The following PARG variants were observed in gnomAD, a reference collection of about 807,000 sequenced individuals.
PARG encodes mitochondrial poly(ADP-ribose) glycohydrolase.
In PARG, 35 loss-of-function variants were observed where a neutral mutation model predicts 113.0. The observed-to-expected ratio is 0.31, with a 90% CI of 0.24 to 0.41. The LOEUF (loss-of-function observed/expected upper bound fraction) is 0.41. Ranked by LOEUF, PARG falls within the 10% of genes least tolerant of loss-of-function variation. PARG has a pLI of 1.00. For synonymous variants in PARG, 330 were observed against 409.9 expected (o/e 0.81, Z 2.36); for missense variants, 797 against 1,169.4 (o/e 0.68, Z 4.64).
intron 9 of PARG, among the ~76,000 whole-genome samples, chr10:49,878,981 C>T (rs1490453491): frequency 6.6e-6 from 1 of 152,064 alleles, no homozygotes; most frequent in African/African-American, 2.4e-5. Context: ...CATTAGTTTG[C>T]CAAGAAGATT....
chr10:49,843,732 G>A (rs982799681), intron 13 of PARG, 100 bp from the exon 14 acceptor site: 17 of 771,438 alleles, frequency 2.2e-5, no homozygotes, highest in Non-Finnish European at 3.6e-5. Context: ...GCACTGTACT[G>A]AAGGTCTCTC....
chr10:49,924,753 T>TGACAGATA (rs1838067552), intron 4 of PARG, among the ~76,000 whole-genome samples: 2 of 151,832 alleles, frequency 1.3e-5, no homozygotes, highest in Non-Finnish European at 2.9e-5. Context: ...GATACCAACA[T>TGACAGATA]GACAGATACC....
intron 16 of PARG, among the ~76,000 whole-genome samples, chr10:49,827,423 T>C (rs147559262): frequency 2.2e-3 from 339 of 152,332 alleles, no homozygotes; most frequent in Non-Finnish European, 3.6e-3. Flanking sequence ...TCAGGTAACA[T>C]ATACGGGGAA....
At chr10:49,820,317 G>A (rs991260807) in intron 16 of PARG, 24 bp from the exon 17 acceptor site, 1 of 1,526,146 alleles carries the variant, frequency 6.6e-7, no homozygotes, top group Non-Finnish European at 8.9e-7. Context: ...AAAAGACACG[G>A]CTATATCATG....
chr10:49,880,421 T>G (rs1437914504), intron 8 of PARG, among the ~76,000 whole-genome samples: 1 of 152,084 alleles, frequency 6.6e-6, no homozygotes, highest in African/African-American at 2.4e-5. Context: ...ATAAGACATT[T>G]CTTACATAAC....
chr10:49,928,244 C>G (rs1278441791), intron 4 of PARG, among the ~76,000 whole-genome samples: 1 of 151,512 alleles, frequency 6.6e-6, no homozygotes, highest in Non-Finnish European at 1.5e-5. Flanking sequence ...GCACTCCAGT[C>G]TGGGTGACAG....
At chr10:49,900,707 T>C (rs1848312840) in intron 7 of PARG, among the ~76,000 whole-genome samples, 1 of 152,198 alleles carries the variant, frequency 6.6e-6, no homozygotes, top group African/African-American at 2.4e-5. Context: ...TGGTAAATGA[T>C]TATTCCTTAG....
intron 15 of PARG, among the ~76,000 whole-genome samples, chr10:49,836,284 T>G (rs1398620432): frequency 1.3e-5 from 2 of 150,274 alleles, no homozygotes; most frequent in African/African-American, 4.9e-5. Context: ...CTGAGGTTTT[T>G]AGTATTCTCT....
chr10:49,889,544 C>T (rs536773054), intron 7 of PARG, among the ~76,000 whole-genome samples: 2 of 152,124 alleles, frequency 1.3e-5, no homozygotes, highest in African/African-American at 4.8e-5. Flanking sequence ...GTCCCATAGT[C>T]CCTGCTGGTC....
intron 8 of PARG, among the ~76,000 whole-genome samples, chr10:49,880,893 C>T (rs1333426768): frequency 1.3e-5 from 2 of 152,166 alleles, no homozygotes; most frequent in African/African-American, 4.8e-5. Context: ...TATTTTACCC[C>T]AAAATATATT....
intron 4 of PARG, among the ~76,000 whole-genome samples, chr10:49,927,369 G>GAAAGAAA (rs1838239269): frequency 7.6e-5 from 10 of 130,766 alleles, no homozygotes; most frequent in African/African-American, 2.4e-4. Context: ...AAGGAAAGAA[G>GAAAGAAA]GAAAGAAAGA....
At chr10:49,886,098 G>A (rs1847463311) in intron 7 of PARG, among the ~76,000 whole-genome samples, 1 of 152,238 alleles carries the variant, frequency 6.6e-6, no homozygotes, top group African/African-American at 2.4e-5. Flanking sequence ...AGAGGCCTCA[G>A]TTATAATCTG....
At chr10:49,874,404 T>C (rs1423591809) in intron 9 of PARG, among the ~76,000 whole-genome samples, 7 of 152,050 alleles carry the variant, frequency 4.6e-5, no homozygotes, top group African/African-American at 1.7e-4. Flanking sequence ...TTGATTCCCA[T>C]CAAGCCCAAC....
chr10:49,833,852 A>C (rs1554830715), intron 15 of PARG, among the ~76,000 whole-genome samples: 1 of 152,222 alleles, frequency 6.6e-6, no homozygotes, highest in African/African-American at 2.4e-5. Context: ...AATACAATTA[A>C]AAGAATGATC....
At chr10:49,920,619 T>C (rs527833358) in intron 6 of PARG, among the ~76,000 whole-genome samples, 1 of 146,936 alleles carries the variant, frequency 6.8e-6, no homozygotes, top group South Asian at 2.1e-4. Flanking sequence ...TATATACGTA[T>C]ATATATACAT....
At chr10:49,937,460 T>C (rs1438468327) in intron 1 of PARG, among the ~76,000 whole-genome samples, 2 of 148,460 alleles carry the variant, frequency 1.3e-5, no homozygotes, top group Non-Finnish European at 3.0e-5. Context: ...TGGGCGACAG[T>C]GTGAGACTCT....
chr10:49,822,224 C>CTGTG (rs150376140), intron 16 of PARG, among the ~76,000 whole-genome samples: 4 of 149,510 alleles, frequency 2.7e-5, no homozygotes, highest in South Asian at 2.1e-4. Flanking sequence ...ATATGTGTAT[C>CTGTG]TGTGTGTGTG....
intron 16 of PARG, among the ~76,000 whole-genome samples, chr10:49,825,754 A>G (rs1844322417): frequency 6.6e-6 from 1 of 152,222 alleles, no homozygotes; most frequent in Non-Finnish European, 1.5e-5. Context: ...AAAGAAGGGC[A>G]ATAAATGGAA....
At chr10:49,860,136 G>A (rs1345014923) in intron 12 of PARG, among the ~76,000 whole-genome samples, 1 of 152,196 alleles carries the variant, frequency 6.6e-6, no homozygotes, top group Non-Finnish European at 1.5e-5. Flanking sequence ...GACATGGCAT[G>A]GGTAGGGAGA....
Sources: gnomAD v4.1 joint callset for allele counts (sites outside exome capture counted in the v4.1 genomes callset) on GRCh38, gnomAD v4.1.1 for gene constraint, MANE v1.5 for transcripts, NCBI Gene and HGNC (gene_info 2026-07-23, HGNC 2026-07-21) for gene names.